Variants in PHACTR1 observed in about 807,000 individuals in gnomAD.
PHACTR1 encodes the protein RPEL repeat containing 1.
A neutral mutation model predicts 69.2 loss-of-function variants in PHACTR1; 16 were observed. The observed-to-expected ratio is 0.23, with a 90% CI of 0.16 to 0.35. The LOEUF is 0.35. Ranked by LOEUF, PHACTR1 falls within the 10% of genes least tolerant of loss-of-function variation. The probability of loss-of-function intolerance (pLI) is 1.00; values close to 1 mark genes in which losing one functional copy is unlikely to be tolerated. For missense variants in PHACTR1, 510 were observed against 734.7 expected, an observed-to-expected ratio of 0.69 and a Z score of 3.54; for synonymous variants, 312 against 284.5, an observed-to-expected ratio of 1.10 and a Z score of -0.97.
At chr6:12,957,736 G>A (rs1366415772) in intron 4 of PHACTR1, 4 of 985,434 alleles carry the variant, frequency 4.1e-6, no homozygotes, top group African/African-American at 3.5e-5. Flanking sequence ...CCAGATGGGT[G>A]GCCACCTAGT....
At chr6:13,229,200 T>G (rs1300201816) in intron 9 of PHACTR1, among the ~76,000 whole-genome samples, 1 of 152,158 alleles carries the variant, frequency 6.6e-6, no homozygotes, top group East Asian at 1.9e-4. Flanking sequence ...ACCAGATAAT[T>G]CTTTGGTGTG....
At chr6:13,135,150 T>C (rs1223514) in intron 5 of PHACTR1, among the ~76,000 whole-genome samples, 146,788 of 152,274 alleles carry the variant, frequency 0.96, 70,903 homozygotes, top group Non-Finnish European at 0.99. Flanking sequence ...CACTAAACCG[T>C]TTTCCTGAGG....
intron 4 of PHACTR1, among the ~76,000 whole-genome samples, chr6:12,959,330 C>G (rs1036564445): frequency 6.6e-6 from 1 of 151,882 alleles, no homozygotes; most frequent in African/African-American, 2.4e-5. Flanking sequence ...AAACCATGGT[C>G]CATATTTGGG....
intron 4 of PHACTR1, among the ~76,000 whole-genome samples, chr6:12,856,859 A>G (rs897176507): frequency 1.3e-5 from 2 of 152,202 alleles, no homozygotes; most frequent in African/African-American, 4.8e-5. Context: ...CATCTTCACT[A>G]ATGACCAGAG....
At chr6:12,782,186 A>G (rs1770918865) in intron 4 of PHACTR1, among the ~76,000 whole-genome samples, 1 of 152,152 alleles carries the variant, frequency 6.6e-6, no homozygotes, top group Non-Finnish European at 1.5e-5. Context: ...GTATCAAGGC[A>G]TCTCATAGGT....
intron 4 of PHACTR1, among the ~76,000 whole-genome samples, chr6:13,005,081 A>G (rs1237852302): frequency 1.3e-5 from 2 of 151,856 alleles, no homozygotes; most frequent in Non-Finnish European, 2.9e-5. Flanking sequence ...AAGCTCACTA[A>G]ATGATACATC....
At chr6:13,208,936 G>T (rs1472995127) in intron 8 of PHACTR1, among the ~76,000 whole-genome samples, 1 of 152,134 alleles carries the variant, frequency 6.6e-6, no homozygotes, top group South Asian at 2.1e-4. Flanking sequence ...GGCAGTCTCT[G>T]CGCTTTGTCC....
At position 13,063,545 on chromosome 6, in the gene PHACTR1, G is replaced by A. The variant is rs146931773; in HGVS notation, c.415+10016G>A. The stretch of plus-strand genomic sequence containing the variant: ...TCCCAGCACTTTGGGAGGCCAAAGC[G>A]GGAGAATTACTTGAGCCCAGGAGTT... On this transcript the variant is annotated intron_variant, in intron 5 of 14. Coordinates refer to ENST00000332995, the MANE Select transcript of PHACTR1 (RefSeq NM_030948.6). Among the ~76,000 whole-genome samples the A allele has an allele frequency of 6.7e-3, 1,025 of 152,126 alleles. 10 individuals are homozygous for A. The highest frequency in any genetic ancestry group is 0.023 in the African/African-American group (967 of 41,516).
chr6:12,793,656 A>G (rs1003397782), intron 4 of PHACTR1, among the ~76,000 whole-genome samples: 2 of 152,212 alleles, frequency 1.3e-5, no homozygotes, highest in Non-Finnish European at 2.9e-5. Context: ...TAGTGGTGGG[A>G]TGCACATCAG....
At chr6:12,944,887 A>G (rs1045300090) in intron 4 of PHACTR1, among the ~76,000 whole-genome samples, 1 of 150,826 alleles carries the variant, frequency 6.6e-6, no homozygotes, top group Non-Finnish European at 1.5e-5. Flanking sequence ...GGTTCACGCC[A>G]TTCTCCTGCT....
chr6:12,877,847 C>T (rs767439002), intron 4 of PHACTR1, among the ~76,000 whole-genome samples: 1 of 152,194 alleles, frequency 6.6e-6, no homozygotes, highest in Non-Finnish European at 1.5e-5. Context: ...TCAGTGTCCA[C>T]AATTCAGGCT....
At chr6:13,279,733 C>T (rs1017985574) in intron 12 of PHACTR1, 1 of 152,238 alleles carries the variant, frequency 6.6e-6, no homozygotes, top group African/African-American at 2.4e-5. Flanking sequence ...GTCGCTGTCC[C>T]ACCCGTCAAG....
intron 4 of PHACTR1, among the ~76,000 whole-genome samples, chr6:12,922,539 C>G (rs1181478054): frequency 6.6e-6 from 1 of 152,128 alleles, no homozygotes; most frequent in African/African-American, 2.4e-5. Context: ...CATGGAACAG[C>G]TAGATCGTGT....
intron 10 of PHACTR1, among the ~76,000 whole-genome samples, chr6:13,256,275 G>A (rs1327349503): frequency 6.6e-6 from 1 of 152,236 alleles, no homozygotes; most frequent in Non-Finnish European, 1.5e-5. Context: ...CCCTAGGCCT[G>A]GCCCATGAAA....
chr6:13,001,387 T>C (rs1300979860), intron 4 of PHACTR1, among the ~76,000 whole-genome samples: 3 of 152,164 alleles, frequency 2.0e-5, no homozygotes, highest in African/African-American at 2.4e-5. Context: ...CAAAAGATAG[T>C]GCAGAGGGTT....
At chr6:12,848,912 A>T (rs1357661371) in intron 4 of PHACTR1, among the ~76,000 whole-genome samples, 2 of 152,138 alleles carry the variant, frequency 1.3e-5, no homozygotes, top group Non-Finnish European at 2.9e-5. Context: ...ATGCCAAGGA[A>T]ATCAGACTTT....
chr6:13,133,539 T>C (rs1225151214), intron 5 of PHACTR1, among the ~76,000 whole-genome samples: 1 of 152,110 alleles, frequency 6.6e-6, no homozygotes, highest in Non-Finnish European at 1.5e-5. Flanking sequence ...GCAAGTGATC[T>C]GCTAGCCTCG....
chr6:13,238,523 AAAT>A (rs1299960578), intron 10 of PHACTR1, among the ~76,000 whole-genome samples: 3 of 152,236 alleles, frequency 2.0e-5, no homozygotes, highest in Admixed American at 6.5e-5. Flanking sequence ...GCAGAATATG[AAAT>A]AATATGTACC....
chr6:12,900,296 G>A (rs927584769), intron 4 of PHACTR1, among the ~76,000 whole-genome samples: 4 of 147,828 alleles, frequency 2.7e-5, no homozygotes, highest in African/African-American at 1.0e-4. Flanking sequence ...TTTTTTTTTC[G>A]AAGCGGATAC....
Sources: gnomAD v4.1 joint callset for allele counts (sites outside exome capture counted in the v4.1 genomes callset) on GRCh38, gnomAD v4.1.1 for gene constraint, MANE v1.5 for transcripts, NCBI Gene and HGNC (gene_info 2026-07-23, HGNC 2026-07-21) for gene names.